The following GLI3 variants were observed in gnomAD, a reference collection of about 807,000 sequenced individuals.
GLI3 encodes transcription activator GLI3.
GLI3 carries 20 observed loss-of-function variants against 100.8 expected under a neutral mutation model. The ratio of observed to expected loss-of-function variants is 0.20; its 90% CI spans 0.14 to 0.29. The LOEUF (loss-of-function observed/expected upper bound fraction) is 0.29. Ranked by LOEUF, GLI3 falls within the 10% of genes least tolerant of loss-of-function variation. The pLI is 1.00. For missense variants in GLI3, 2,040 were observed against 2,128.5 expected, an observed-to-expected ratio of 0.96 and a Z score of 0.82; for synonymous variants, 938 against 860.5, an observed-to-expected ratio of 1.09 and a Z score of -1.58.
At chr7:42,110,153 AAGAC>A (rs1485431446) in intron 3 of GLI3, among the ~76,000 whole-genome samples, 1 of 152,216 alleles carries the variant, frequency 6.6e-6, no homozygotes, top group Non-Finnish European at 1.5e-5. Flanking sequence ...GTGTAACAAA[AAGAC>A]AGAGGAACCA....
intron 3 of GLI3, among the ~76,000 whole-genome samples, chr7:42,143,048 A>G (rs1309639081): frequency 6.6e-6 from 1 of 152,170 alleles, no homozygotes; most frequent in Non-Finnish European, 1.5e-5. Context: ...TTTCTAAGAG[A>G]AAGACAAGAA....
chr7:42,091,603 G>A (rs1785220718), intron 3 of GLI3, among the ~76,000 whole-genome samples: 1 of 152,236 alleles, frequency 6.6e-6, no homozygotes, highest in African/African-American at 2.4e-5. Context: ...ACCGAACACA[G>A]CAGAAGTCCC....
At chr7:42,125,300 C>G (rs1786098886) in intron 3 of GLI3, among the ~76,000 whole-genome samples, 1 of 152,248 alleles carries the variant, frequency 6.6e-6, no homozygotes, top group Admixed American at 6.5e-5. Flanking sequence ...TCATGTAAAC[C>G]TTAAAGAGGA....
intron 7 of GLI3, among the ~76,000 whole-genome samples, chr7:42,034,153 TA>T (rs1451833687): frequency 3.9e-5 from 6 of 152,230 alleles, no homozygotes; most frequent in Admixed American, 3.9e-4. Context: ...AATATATGCA[TA>T]ATCCGTTTCT....
At chr7:42,244,715 A>G (rs890154361) in intron 1 of GLI3, among the ~76,000 whole-genome samples, 6 of 152,068 alleles carry the variant, frequency 3.9e-5, no homozygotes, top group Admixed American at 3.9e-4. Context: ...AAAAAAAAAA[A>G]GTAAAATAAT....
chr7:42,017,462 A>G (rs2128728181), intron 10 of GLI3, among the ~76,000 whole-genome samples: 1 of 152,194 alleles, frequency 6.6e-6, no homozygotes, highest in South Asian at 2.1e-4. Flanking sequence ...AGTCACCCAT[A>G]ACTGTTCACA....
chr7:42,102,872 TG>T (rs1190487712), intron 3 of GLI3, among the ~76,000 whole-genome samples: 3 of 152,166 alleles, frequency 2.0e-5, no homozygotes, highest in African/African-American at 7.2e-5. Flanking sequence ...CCGGTCACAC[TG>T]GCGCAGAAAT....
At chr7:42,038,849 T>C (rs748463213) in intron 7 of GLI3, among the ~76,000 whole-genome samples, 1 of 152,232 alleles carries the variant, frequency 6.6e-6, no homozygotes, top group Non-Finnish European at 1.5e-5. Context: ...ATCTTGCTAC[T>C]GCAAACACTT....
chr7:42,252,427 C>T (rs1169884611), intron 1 of GLI3, among the ~76,000 whole-genome samples: 2 of 152,096 alleles, frequency 1.3e-5, no homozygotes, highest in Non-Finnish European at 2.9e-5. Context: ...CACCAAACCC[C>T]ATGACACACG....
intron 2 of GLI3, among the ~76,000 whole-genome samples, chr7:42,192,948 G>C (rs2128689046): frequency 6.6e-6 from 1 of 152,296 alleles, no homozygotes; most frequent in South Asian, 2.1e-4. Context: ...GCCTTGCACA[G>C]ACCACAGGCC....
intron 1 of GLI3, among the ~76,000 whole-genome samples, chr7:42,259,634 A>G (rs1360878154): frequency 6.6e-6 from 1 of 152,200 alleles, no homozygotes; most frequent in African/African-American, 2.4e-5. Context: ...GGATTTCTGC[A>G]TGATAGAAAA....
chr7:42,206,274 A>T (rs1477625424), intron 2 of GLI3, among the ~76,000 whole-genome samples: 3 of 150,840 alleles, frequency 2.0e-5, no homozygotes, highest in Non-Finnish European at 4.4e-5. Context: ...TCTAAAAAAT[A>T]ATAATAATAA....
At chr7:42,048,340 T>C in intron 5 of GLI3, 151 bp downstream of exon 5, 2 of 703,646 alleles carry the variant, frequency 2.8e-6, no homozygotes. Context: ...GTTACAAAAC[T>C]GAAACGCAAT....
At chr7:42,190,515 T>TG (rs1456278555) in intron 2 of GLI3, among the ~76,000 whole-genome samples, 1 of 152,144 alleles carries the variant, frequency 6.6e-6, no homozygotes, top group Non-Finnish European at 1.5e-5. Context: ...TCAATAACAA[T>TG]GGAAGAAACT....
intron 10 of GLI3, among the ~76,000 whole-genome samples, chr7:42,005,017 G>A (rs951502995): frequency 3.3e-5 from 5 of 152,098 alleles, no homozygotes; most frequent in South Asian, 2.1e-4. Context: ...GAGAAAAACC[G>A]TAAATTACAC....
chr7:42,255,750 A>G (rs1789079412), intron 1 of GLI3, among the ~76,000 whole-genome samples: 1 of 152,194 alleles, frequency 6.6e-6, no homozygotes, highest in Non-Finnish European at 1.5e-5. Flanking sequence ...TTTGGTGATG[A>G]TGAATAATGC....
intron 3 of GLI3, among the ~76,000 whole-genome samples, chr7:42,106,528 G>A (rs1785578348): frequency 6.6e-6 from 1 of 152,214 alleles, no homozygotes; most frequent in Non-Finnish European, 1.5e-5. Flanking sequence ...GGTGGGCTCT[G>A]TATTTGTTTT....
intron 1 of GLI3, 35 bp from the exon 2 acceptor site, chr7:42,223,330 A>C: frequency 8.4e-7 from 1 of 1,184,606 alleles, no homozygotes; most frequent in South Asian, 1.3e-5. Context: ...ACTTTCCAAA[A>C]TGGTGGAAAA....
chr7:41,977,563 T>C lies in GLI3; in HGVS notation c.1807A>G (p.Asn603Asp), dbSNP rs1787544339. The change falls in exon 12 of 15, where the codon AAT becomes GAT. Residue 603 changes from asparagine (N) to aspartate (D), a missense_variant. Asn to Asp is a conservative substitution (Grantham distance 23). Around this residue, in one of 5 missense-constraint regions of GLI3, gnomAD observed 61 missense variants for 150.9 expected, o/e 0.40. Transcript: ENST00000395925. ...RAKHQNRTHS[N>D]EKPYVCKIPG... is the part of the protein sequence containing the mutation. ...TGCCCACTGAGGATGCTTACCTCAT[T>C]GGAATGCGTTCTGTTTTGGTGTTTG... The C allele has an allele frequency of 6.2e-7, 1 of 1,614,044 alleles. No homozygotes were observed. Among genetic ancestry groups the C allele is most frequent in the Non-Finnish European group, 8.5e-7 (1 of 1,180,012 alleles).
Sources: allele counts gnomAD v4.1 joint callset (sites outside exome capture counted in the v4.1 genomes callset), GRCh38; gene constraint gnomAD v4.1.1; regional missense constraint gnomAD v4.1.1; transcripts MANE v1.5; gene names NCBI Gene and HGNC (gene_info 2026-07-23, HGNC 2026-07-21).